PGAM1: variants seen among roughly 807,000 people sequenced by gnomAD.
PGAM1 encodes phosphoglycerate mutase 1.
Under a neutral mutation model 23.5 loss-of-function variants are expected in PGAM1, and 21 were observed. The observed-to-expected ratio is 0.89, with a 90% CI of 0.63 to 1.29. The LOEUF is 1.29. Among genes scored for constraint, PGAM1 ranks in the 50% most tolerant of loss-of-function variants. The pLI is 0.00. For synonymous variants in PGAM1, 109 were observed against 128.6 expected (o/e 0.85, Z 1.03); for missense variants, 232 against 336.3 (o/e 0.69, Z 2.42).
Position 97,426,221 on chromosome 10 carries a change from T to G in PGAM1, c.-87T>G. 4 of 1,594,054 alleles carry G rather than the reference T, an allele frequency of 2.5e-6. No homozygotes were observed. The highest frequency in any genetic ancestry group is 3.4e-6 in the Non-Finnish European group (4 of 1,166,776). On this transcript the variant is annotated 5_prime_UTR_variant, in exon 1 of 4. Transcript: ENST00000334828. ...CTTGCGCGGGAGCCGGACTGAGCGGTGCGAGCGCGCAGGCGCGGCCGACGG... is the reference window on the plus strand; with the variant it reads ...CTTGCGCGGGAGCCGGACTGAGCGGGGCGAGCGCGCAGGCGCGGCCGACGG...
rs1228795181 is a variant in PGAM1, at chr10:97,426,249, C to G, written c.-59C>G. 1.4e-5 allele frequency: 23 copies of G among 1,607,914 alleles called. 1 individual carries two copies. The highest frequency in any genetic ancestry group is 1.4e-5 in the Non-Finnish European group (16 of 1,178,022). On this transcript the variant is annotated 5_prime_UTR_variant, in exon 1 of 4. Coordinates refer to ENST00000334828, the MANE Select transcript of PGAM1 (RefSeq NM_002629.4). ...GAGCGCGCAGGCGCGGCCGACGGGG[C>G]GGGCTGCTACTCCGGAATCTGCTAA...
In PGAM1 at chr10:97,433,099, T is replaced by C. The variant is rs1845489488; in HGVS notation, c.*575T>C. ...TTAATTTACTTTTATTAAAAAAGTA[T>C]AGTATATATAATACAAAACAATAAC... On this transcript the variant is annotated 3_prime_UTR_variant, in exon 4 of 4. Coordinates refer to ENST00000334828, the MANE Select transcript of PGAM1 (RefSeq NM_002629.4). 2 of 157,414 alleles carry C rather than the reference T, an allele frequency of 1.3e-5. No homozygotes were observed. The highest frequency in any genetic ancestry group is 1.2e-4 in the Admixed American group (2 of 16,668). 9.8% of individuals were successfully genotyped at this position (157,414 alleles called of 1,614,324 possible).
chr10:97,427,455 T>G, intron 1 of PGAM1: 1 of 1,023,838 alleles, frequency 9.8e-7, no homozygotes, highest in African/African-American at 1.7e-5. Context: ...CTTTCTCATC[T>G]TTCCAAGGCC....
At chr10:97,431,200 C>G (rs1170466050) in intron 3 of PGAM1, 65 bp downstream of exon 3, 32 of 1,594,268 alleles carry the variant, frequency 2.0e-5, no homozygotes, top group Middle Eastern at 1.7e-4. Context: ...AAATCAGGGA[C>G]TTGGTAAAAA....
At position 97,426,391 on chromosome 10, in the gene PGAM1, C is replaced by G; in HGVS notation, c.84C>G (p.Ala28=). ...LENRFSGWYD[A]DLSPAGHEEA... Reference sequence around the variant, plus strand: ...ACCGCTTCAGCGGCTGGTACGACGCCGACCTGAGCCCGGCGGGCCACGAGG... The same window carrying G: ...ACCGCTTCAGCGGCTGGTACGACGCGGACCTGAGCCCGGCGGGCCACGAGG... Residue 28 remains alanine (A), a synonymous_variant, in exon 1 of 4, where the codon GCC becomes GCG. Transcript: ENST00000334828. The G allele has an allele frequency of 6.2e-7, 1 of 1,606,622 alleles. No individual in the cohort carries two copies. The highest frequency in any genetic ancestry group is 8.5e-7 in the Non-Finnish European group (1 of 1,177,578).
intron 3 of PGAM1, 138 bp downstream of exon 3, chr10:97,431,273 G>GA (rs1245296979): frequency 2.0e-6 from 2 of 1,015,576 alleles, no homozygotes; most frequent in African/African-American, 1.6e-5. Flanking sequence ...GACTTCTAGT[G>GA]AAAAAACACC....
intron 3 of PGAM1, among the ~76,000 whole-genome samples, chr10:97,432,002 A>G (rs1265914648): frequency 2.6e-5 from 4 of 152,276 alleles, no homozygotes; most frequent in Middle Eastern, 6.8e-3. Flanking sequence ...CCGAGGGCCT[A>G]GAGGCCCACG....
At chr10:97,426,526 C>G (rs1845412015) in intron 1 of PGAM1, 80 bp downstream of exon 1, 2 of 1,457,506 alleles carry the variant, frequency 1.4e-6, no homozygotes, top group African/African-American at 2.9e-5. Context: ...TGCGCCCTCT[C>G]GGAGAGGGCC....
In PGAM1 at chr10:97,430,462, G is replaced by A. The variant is rs763340386; in HGVS notation, c.223G>A (p.Asp75Asn). 2 of 1,606,302 alleles carry A rather than the reference G, an allele frequency of 1.2e-6. No homozygotes were observed. The highest frequency in any genetic ancestry group is 2.7e-5 in the African/African-American group (2 of 74,832). The change falls in exon 2 of 4, where the codon GAT (aspartate) becomes AAT (asparagine). Residue 75 changes from aspartate (D) to asparagine (N), a missense_variant. Around this residue, in one of 3 missense-constraint regions of PGAM1, gnomAD observed 191 missense variants for 241.7 expected, o/e 0.79. Transcript: ENST00000334828. ...RTLWTVLDAIDQMWLPVVRTW... is the reference protein window; with the variant it reads ...RTLWTVLDAINQMWLPVVRTW... ...CCTCTGGACAGTGCTAGATGCCATT[G>A]ATCAGATGTGGCTGCCAGTGGTGAG...
Position 97,426,217 on chromosome 10 carries a change from G to A in PGAM1, c.-91G>A, listed in dbSNP as rs1845406023. 2 of 1,585,832 alleles carry A rather than the reference G, an allele frequency of 1.3e-6. No homozygotes were observed. Among genetic ancestry groups the A allele is most frequent in the African/African-American group, 2.7e-5 (2 of 74,218 alleles). On this transcript the variant is annotated 5_prime_UTR_variant, in exon 1 of 4. Coordinates refer to ENST00000334828, the MANE Select transcript of PGAM1 (RefSeq NM_002629.4). ...AGAACTTGCGCGGGAGCCGGACTGAGCGGTGCGAGCGCGCAGGCGCGGCCG... is the reference window on the plus strand; with the variant it reads ...AGAACTTGCGCGGGAGCCGGACTGAACGGTGCGAGCGCGCAGGCGCGGCCG...
chr10:97,427,547 C>G, intron 1 of PGAM1: 1 of 1,140,310 alleles, frequency 8.8e-7, no homozygotes, highest in Non-Finnish European at 1.1e-6. Flanking sequence ...TGTCCTCGCC[C>G]TAGTCCTGGG....
intron 3 of PGAM1, among the ~76,000 whole-genome samples, chr10:97,432,134 TTGG>T (rs1845477219): frequency 6.6e-6 from 1 of 152,194 alleles, no homozygotes; most frequent in Non-Finnish European, 1.5e-5. Flanking sequence ...CTGTAGTTTG[TTGG>T]TGGTCTATCT....
chr10:97,430,137 A>G (rs577304675), intron 1 of PGAM1, among the ~76,000 whole-genome samples: 9 of 152,210 alleles, frequency 5.9e-5, no homozygotes, highest in East Asian at 5.8e-4. Context: ...GGGGATAGCT[A>G]GAGATGGTGG....
chr10:97,431,762 A>T (rs1335708861), intron 3 of PGAM1, among the ~76,000 whole-genome samples: 1 of 152,128 alleles, frequency 6.6e-6, no homozygotes, highest in Non-Finnish European at 1.5e-5. Context: ...GGTGATGCTC[A>T]TCTGTAGTCC....
intron 3 of PGAM1, among the ~76,000 whole-genome samples, 155 bp from the exon 4 acceptor site, chr10:97,432,200 G>A (rs1462388797): frequency 6.6e-6 from 1 of 152,174 alleles, no homozygotes; most frequent in Admixed American, 6.6e-5. Context: ...AGTATGGTGG[G>A]GGCCATTCCC....
At chr10:97,432,164 C>G (rs527256204) in intron 3 of PGAM1, among the ~76,000 whole-genome samples, 191 bp from the exon 4 acceptor site, 4 of 152,168 alleles carry the variant, frequency 2.6e-5, no homozygotes, top group African/African-American at 9.7e-5. Flanking sequence ...CCTTTTCTTG[C>G]TTTTCAGTTT....
At chr10:97,427,234 C>T in intron 1 of PGAM1, 2 of 983,444 alleles carry the variant, frequency 2.0e-6, no homozygotes, top group Non-Finnish European at 2.4e-6. Context: ...ATCGACACGC[C>T]ACACAGCCTC....
rs756526907 is a variant in PGAM1 at position 97,432,462 on chromosome 10, G to A, written c.703G>A (p.Asp235Asn). The change falls in exon 4 of 4, where the codon GAT (aspartate) becomes AAT (asparagine). Residue 235 changes from aspartate to asparagine, a missense_variant. Coordinates refer to ENST00000334828, the MANE Select transcript of PGAM1 (RefSeq NM_002629.4). ...KPIKPMQFLG[D>N]EETVRKAMEA... is the part of the protein sequence containing the mutation. Reference sequence around the variant, plus strand: ...TATCAAGCCCATGCAGTTTCTGGGGGATGAAGAGACGGTGCGCAAAGCCAT... The same window carrying A: ...TATCAAGCCCATGCAGTTTCTGGGGAATGAAGAGACGGTGCGCAAAGCCAT... 2.5e-6 allele frequency: 4 copies of A among 1,610,518 alleles called. No homozygotes were observed. The South Asian group carries it at 3.3e-5, about 13-fold the overall frequency.
At chr10:97,429,196 C>T (rs1589455990) in intron 1 of PGAM1, among the ~76,000 whole-genome samples, 1 of 150,948 alleles carries the variant, frequency 6.6e-6, no homozygotes, top group Non-Finnish European at 1.5e-5. Flanking sequence ...CTCCGCCTCC[C>T]GGATTCACGC....
Sources: allele counts gnomAD v4.1 joint callset (sites outside exome capture counted in the v4.1 genomes callset), GRCh38; gene constraint gnomAD v4.1.1; regional missense constraint gnomAD v4.1.1; transcripts MANE v1.5; gene names NCBI Gene and HGNC (gene_info 2026-07-23, HGNC 2026-07-21).